ARFGEF2: variants seen among roughly 807,000 people sequenced by gnomAD.
ARFGEF2 encodes ARF guanine nucleotide exchange factor 2.
In ARFGEF2, 74 loss-of-function variants were observed where a neutral mutation model predicts 219.9. That is an observed-to-expected ratio of 0.34 (90% CI 0.28 to 0.41). The LOEUF is 0.41. Among genes scored for constraint, ARFGEF2 ranks in the 10% least tolerant of loss-of-function variants. ARFGEF2 has a pLI of 1.00. For missense variants in ARFGEF2, 1,743 were observed against 2,218.3 expected, an observed-to-expected ratio of 0.79 and a Z score of 4.30; for synonymous variants, 733 against 799.2, an observed-to-expected ratio of 0.92 and a Z score of 1.40.
chr20:49,031,920 A>G, intron 37 of ARFGEF2, 129 bp from the exon 38 acceptor site: 1 of 798,752 alleles, frequency 1.3e-6, no homozygotes, highest in African/African-American at 1.7e-5. Context: ...CCTGTCTCAA[A>G]AAAAAAAAAG....
At chr20:48,996,582 A>C (rs926605716) in intron 23 of ARFGEF2, among the ~76,000 whole-genome samples, 1 of 150,490 alleles carries the variant, frequency 6.6e-6, no homozygotes, top group African/African-American at 2.4e-5. Flanking sequence ...ACTAAAATAC[A>C]AAAAAAAAGA....
chr20:48,997,564 C>T (rs190467476), intron 23 of ARFGEF2, among the ~76,000 whole-genome samples: 6 of 152,248 alleles, frequency 3.9e-5, no homozygotes, highest in Admixed American at 2.0e-4. Flanking sequence ...TGAGCCACTG[C>T]GCCTGGGCTC....
At position 48,971,169 on chromosome 20, in the gene ARFGEF2, G is replaced by T. The variant is rs777757005; in HGVS notation, c.1240G>T (p.Val414Leu). ...KVVSLQLLLS[V>L]LQNAGPVFRT... ...GGTTTCCCTGCAGCTGCTCCTCTCT[G>T]TGTTGCAAAATGCTGGCCCCGTATT... The change falls in exon 10 of 39, where the codon GTG becomes TTG. Residue 414 changes from valine to leucine, a missense_variant. By Grantham distance (32) the Val-to-Leu change is conservative. Transcript: ENST00000371917. 5.6e-6 allele frequency: 9 copies of T among 1,614,088 alleles called. No individual in the cohort carries two copies. Among genetic ancestry groups the T allele is most frequent in the Non-Finnish European group, 6.8e-6 (8 of 1,180,022 alleles).
chr20:48,936,249 G>A (rs1465819259), intron 1 of ARFGEF2, among the ~76,000 whole-genome samples: 4 of 148,844 alleles, frequency 2.7e-5, no homozygotes, highest in Non-Finnish European at 4.5e-5. Context: ...CCGGGCGGGG[G>A]GCTGACCCCC....
chr20:48,998,176 T>C lies in ARFGEF2; in HGVS notation c.3222-17T>C. ...CACCCGGTCTAATGTTTATTTTGTCTGGAATTATCTTCCTAGGATTTTTAC... is the reference window on the plus strand; with the variant it reads ...CACCCGGTCTAATGTTTATTTTGTCCGGAATTATCTTCCTAGGATTTTTAC... On this transcript the variant is annotated splice_polypyrimidine_tract_variant and intron_variant, in intron 23 of 38. Coordinates refer to ENST00000371917, the MANE Select transcript of ARFGEF2 (RefSeq NM_006420.3). 6.2e-7 allele frequency: 1 copy of C among 1,613,418 alleles called. No individual in the cohort carries two copies. The highest frequency in any genetic ancestry group is 8.5e-7 in the Non-Finnish European group (1 of 1,179,522).
At chr20:48,945,454 G>A (rs756066890) in intron 3 of ARFGEF2, among the ~76,000 whole-genome samples, 2 of 152,154 alleles carry the variant, frequency 1.3e-5, no homozygotes, top group Non-Finnish European at 2.9e-5. Flanking sequence ...AACAGAAATC[G>A]TTTGTTTCTG....
At chr20:48,944,961 C>G (rs2091016963) in intron 3 of ARFGEF2, among the ~76,000 whole-genome samples, 1 of 152,150 alleles carries the variant, frequency 6.6e-6, no homozygotes, top group South Asian at 2.1e-4. Context: ...TTATTTCTTA[C>G]AGTTTTGAAA....
intron 1 of ARFGEF2, among the ~76,000 whole-genome samples, chr20:48,929,855 C>G (rs2090902402): frequency 6.6e-6 from 1 of 152,056 alleles, no homozygotes. Context: ...AGGCCAAGAC[C>G]CCAACATGCA....
chr20:49,028,794 C>A, intron 37 of ARFGEF2, 126 bp downstream of exon 37: 1 of 1,018,996 alleles, frequency 9.8e-7, no homozygotes, highest in Non-Finnish European at 1.5e-6. Context: ...TTTTTTCTTT[C>A]TATTTGGTGA....
Position 48,989,430 on chromosome 20 carries a change from G to C in ARFGEF2, c.2679G>C (p.Met893Ile). The C allele has an allele frequency of 6.2e-7, 1 of 1,614,234 alleles. No individual in the cohort carries two copies. The highest frequency in any genetic ancestry group is 8.5e-7 in the Non-Finnish European group (1 of 1,180,036). The change falls in exon 19 of 39, where the codon ATG (methionine) becomes ATC (isoleucine). Residue 893 changes from methionine (M) to isoleucine (I), a missense_variant. Met to Ile is a conservative substitution (Grantham distance 10). Transcript: ENST00000371917. ...CTCACCTGGACCATGTCCGGCCAAT[G>C]TTCAAAGTGAGTATCCTGAGAACTT... ...SATHLDHVRP[M>I]FKLVWTPLLA...
rs368154458 is a variant in ARFGEF2 at position 48,942,953 on chromosome 20, G to T, written c.276+966G>T. 3.1e-4 allele frequency among the ~76,000 whole-genome samples: 47 copies of T among 152,134 alleles called. 1 individual carries two copies. The South Asian group carries it at 8.7e-3, about 28-fold the overall frequency. ...CATTAACATTGAACTCAGGGGCCAC[G>T]GTGCTATAACACATGCCTGAACAAA... On this transcript the variant is annotated intron_variant, in intron 3 of 38. Transcript: ENST00000371917.
In ARFGEF2 at chr20:49,016,296, C is replaced by G. The variant is rs1435867959; in HGVS notation, c.4196C>G (p.Thr1399Arg). 1 of 1,613,880 alleles carries G rather than the reference C, an allele frequency of 6.2e-7. No individual in the cohort carries two copies. The highest frequency in any genetic ancestry group is 8.5e-7 in the Non-Finnish European group (1 of 1,179,956). The change falls in exon 31 of 39, where the codon ACA becomes AGA. Residue 1399 changes from threonine to arginine, a missense_variant. By Grantham distance (71) the Thr-to-Arg change is moderately conservative (BLOSUM62 -1). Transcript: ENST00000371917. ...TTTTCCCAGAAATCTGAGTGGATGA[C>G]AACAACCTGCAATCACGCACTTTAT... ...EQLSEKSEWM[T>R]TTCNHALYAI... is the part of the protein sequence containing the mutation.
intron 22 of ARFGEF2, among the ~76,000 whole-genome samples, chr20:48,995,440 G>A (rs966461382): frequency 6.6e-6 from 1 of 152,164 alleles, no homozygotes; most frequent in Non-Finnish European, 1.5e-5. Flanking sequence ...CAAGCATTCA[G>A]CAGGTGTGAG....
intron 20 of ARFGEF2, among the ~76,000 whole-genome samples, chr20:48,990,424 G>T (rs2091351270): frequency 6.6e-6 from 1 of 152,188 alleles, no homozygotes; most frequent in African/African-American, 2.4e-5. Flanking sequence ...GCAAATAAAT[G>T]AAATGTAATT....
intron 14 of ARFGEF2, among the ~76,000 whole-genome samples, chr20:48,984,455 C>T (rs1434783634): frequency 6.6e-6 from 1 of 152,170 alleles, no homozygotes; most frequent in African/African-American, 2.4e-5. Context: ...TTTTATTCCA[C>T]ATGGCAGTGT....
At chr20:48,937,019 TTGGGCCATA>T (rs1399566626) in intron 1 of ARFGEF2, among the ~76,000 whole-genome samples, 1 of 152,112 alleles carries the variant, frequency 6.6e-6, no homozygotes, top group Non-Finnish European at 1.5e-5. Flanking sequence ...AACTTTTAGG[TTGGGCCATA>T]TGAGACTACT....
chr20:48,963,275 G>A (rs892606228), intron 6 of ARFGEF2, among the ~76,000 whole-genome samples: 1 of 152,050 alleles, frequency 6.6e-6, no homozygotes, highest in African/African-American at 2.4e-5. Context: ...GGCGGGGGGA[G>A]TAAGAGATAC....
chr20:48,932,154 A>G (rs763891692), intron 1 of ARFGEF2, among the ~76,000 whole-genome samples: 1 of 152,112 alleles, frequency 6.6e-6, no homozygotes, highest in Non-Finnish European at 1.5e-5. Context: ...ACAGAGGTGG[A>G]GGGGTTGGAC....
chr20:49,008,957 T>C (rs908098833), intron 26 of ARFGEF2, among the ~76,000 whole-genome samples: 3 of 152,142 alleles, frequency 2.0e-5, no homozygotes, highest in Non-Finnish European at 4.4e-5. Flanking sequence ...ATCCACCTGC[T>C]TCGGCCTCCC....
Sources: gnomAD v4.1 joint callset for allele counts (sites outside exome capture counted in the v4.1 genomes callset) on GRCh38, gnomAD v4.1.1 for gene constraint, MANE v1.5 for transcripts, NCBI Gene and HGNC (gene_info 2026-07-23, HGNC 2026-07-21) for gene names.